Variants in DLC1 observed in about 807,000 individuals in gnomAD.
DLC1 encodes the protein DLC1 Rho GTPase activating protein, also known as rho GTPase-activating protein 7.
DLC1 carries 54 observed loss-of-function variants against 140.3 expected under a neutral mutation model. The observed-to-expected ratio is 0.38, with a 90% CI of 0.31 to 0.48. DLC1 has a LOEUF of 0.48. DLC1 is among the 20% of genes least tolerant of loss of function. The pLI, the probability that DLC1 is intolerant of heterozygous loss-of-function variation, is 0.96. For missense variants in DLC1, 2,536 were observed against 1,907.0 expected (o/e 1.33, Z -6.14); for synonymous variants, 986 against 728.1 (o/e 1.35, Z -5.70).
At chr8:13,224,204 G>GA in intron 5 of DLC1, among the ~76,000 whole-genome samples, 1 of 152,190 alleles carries the variant, frequency 6.6e-6, no homozygotes. Context: ...ATTCTTTTGG[G>GA]AAAAAAGAAT....
chr8:13,550,179 A>T (rs1184807933), intron 1 of DLC1, among the ~76,000 whole-genome samples: 1 of 152,070 alleles, frequency 6.6e-6, no homozygotes, highest in African/African-American at 2.4e-5. Context: ...TGATTGGATT[A>T]TGGGGGGCAG....
chr8:13,487,430 A>G (rs1337851290), intron 2 of DLC1, among the ~76,000 whole-genome samples: 2 of 152,122 alleles, frequency 1.3e-5, no homozygotes, highest in Non-Finnish European at 2.9e-5. Flanking sequence ...ATAATGGTAA[A>G]AATTAAGACT....
At chr8:13,163,039 G>A (rs529819983) in intron 5 of DLC1, among the ~76,000 whole-genome samples, 2 of 152,248 alleles carry the variant, frequency 1.3e-5, no homozygotes, top group East Asian at 3.9e-4. Flanking sequence ...GCCTCTCTAA[G>A]TAGGGCTTTG....
chr8:13,322,996 G>C (rs747629950), intron 4 of DLC1, among the ~76,000 whole-genome samples: 3 of 152,132 alleles, frequency 2.0e-5, no homozygotes, highest in Non-Finnish European at 2.9e-5. Flanking sequence ...GCTCCCTGTG[G>C]GTCACATGGC....
intron 1 of DLC1, among the ~76,000 whole-genome samples, chr8:13,552,918 T>G (rs1364565846): frequency 6.6e-6 from 1 of 151,768 alleles, no homozygotes; most frequent in Non-Finnish European, 1.5e-5. Flanking sequence ...AGCTTCTTAT[T>G]TGGTACATTA....
At chr8:13,214,766 A>T (rs768518663) in intron 5 of DLC1, 9 of 780,652 alleles carry the variant, frequency 1.2e-5, no homozygotes, top group Non-Finnish European at 1.9e-5. Context: ...AACTTTACTG[A>T]TTTTACCGCT....
chr8:13,403,263 A>G (rs1373703438), intron 2 of DLC1, among the ~76,000 whole-genome samples: 2 of 152,226 alleles, frequency 1.3e-5, no homozygotes, highest in African/African-American at 4.8e-5. Context: ...AAAGGGGTCC[A>G]TGATATTTGC....
rs1031847216 is a variant in DLC1 at position 13,135,545 on chromosome 8, G to C, written c.1349-19888C>G. 3.3e-5 allele frequency among the ~76,000 whole-genome samples: 5 copies of C among 151,550 alleles called. No homozygotes were observed. In the East Asian group the frequency reaches 9.6e-4, roughly 29 times the overall value. ...ATTTGCATTTTGAAAAGATCGCTCA[G>C]GCTGCAGTGTAATATTCAAACTTAA... On this transcript the variant is annotated intron_variant, in intron 5 of 17. Transcript: ENST00000276297.
At chr8:13,562,901 A>G (rs1423256559) in intron 1 of DLC1, among the ~76,000 whole-genome samples, 1 of 145,424 alleles carries the variant, frequency 6.9e-6, no homozygotes, top group Non-Finnish European at 1.5e-5. Context: ...ATATATTTTT[A>G]AGAAAAAAAC....
intron 4 of DLC1, chr8:13,342,337 A>G (rs1834100479): frequency 6.6e-6 from 1 of 152,254 alleles, no homozygotes; most frequent in South Asian, 2.1e-4. Flanking sequence ...GAATAGCAAG[A>G]AAAGCAAACC....
intron 1 of DLC1, among the ~76,000 whole-genome samples, chr8:13,562,608 A>G (rs148124167): frequency 2.8e-4 from 42 of 152,322 alleles, no homozygotes; most frequent in African/African-American, 9.6e-4. Flanking sequence ...ATGCTCCCAT[A>G]CATTGCTGGC....
intron 4 of DLC1, among the ~76,000 whole-genome samples, chr8:13,381,233 G>T (rs1312647674): frequency 6.6e-6 from 1 of 152,190 alleles, no homozygotes; most frequent in Non-Finnish European, 1.5e-5. Context: ...TCGTGTAAGG[G>T]CCTGTCCCTA....
intron 1 of DLC1, among the ~76,000 whole-genome samples, chr8:13,552,064 T>A (rs1434230384): frequency 7.1e-6 from 1 of 141,212 alleles, no homozygotes; most frequent in East Asian, 2.1e-4. Flanking sequence ...CACATATATA[T>A]ATATACCTCT....
chr8:13,351,349 T>A (rs1834653964), intron 4 of DLC1, among the ~76,000 whole-genome samples: 1 of 152,222 alleles, frequency 6.6e-6, no homozygotes, highest in African/African-American at 2.4e-5. Flanking sequence ...TGGGATTCAG[T>A]CCGAAGTTCA....
intron 4 of DLC1, among the ~76,000 whole-genome samples, chr8:13,348,231 T>C (rs2117017390): frequency 6.6e-6 from 1 of 152,290 alleles, no homozygotes; most frequent in Admixed American, 6.5e-5. Flanking sequence ...ACAGCCTGGC[T>C]TCCGTGTGAG....
chr8:13,115,206 T>C lies in DLC1; in HGVS notation c.1420+380A>G, dbSNP rs553333535. On this transcript the variant is annotated intron_variant, in intron 6 of 17. Transcript: ENST00000276297. ...ATAGAAGAATCTTAACAATACAATA[T>C]TAAGTGAAAAATAAAAACCCCATGA... Among the ~76,000 whole-genome samples, 7 of 152,114 alleles carry C rather than the reference T, an allele frequency of 4.6e-5. 1 individual carries two copies. The highest frequency in any genetic ancestry group is 1.4e-4 in the African/African-American group (6 of 41,476).
intron 4 of DLC1, among the ~76,000 whole-genome samples, chr8:13,352,411 C>T (rs1054339336): frequency 6.6e-6 from 1 of 152,074 alleles, no homozygotes; most frequent in Non-Finnish European, 1.5e-5. Context: ...GAGACAGGGT[C>T]TTGCTCTGTC....
rs941450429 is a variant in DLC1, at chr8:13,098,559, G to C, written c.3007C>G (p.His1003Asp). Reference protein sequence around the residue: ...TRSNRHRLRWHSFQSSHRPSL... With the variant: ...TRSNRHRLRWDSFQSSHRPSL... Reference sequence around the variant, plus strand: ...GGCCGATGTGAGCTCTGGAAACTGTGCCATCTCAGTCGGTGCCTGCGAGAG... The same window carrying C: ...GGCCGATGTGAGCTCTGGAAACTGTCCCATCTCAGTCGGTGCCTGCGAGAG... Residue 1003 changes from histidine to aspartate, a missense_variant, in exon 10 of 18, where the codon CAC (histidine) becomes GAC (aspartate). Coordinates refer to ENST00000276297, the MANE Select transcript of DLC1 (RefSeq NM_182643.3). 5 of 1,613,968 alleles carry C rather than the reference G, an allele frequency of 3.1e-6. No homozygotes were observed. The Admixed American group carries it at 6.7e-5, about 22-fold the overall frequency.
chr8:13,344,343 A>T (rs1441827365), intron 4 of DLC1, among the ~76,000 whole-genome samples: 1 of 152,116 alleles, frequency 6.6e-6, no homozygotes, highest in Admixed American at 6.5e-5. Flanking sequence ...AAAATACAAA[A>T]TTAGCCGGGC....
Sources: gnomAD v4.1 joint callset for allele counts (sites outside exome capture counted in the v4.1 genomes callset) on GRCh38, gnomAD v4.1.1 for gene constraint, MANE v1.5 for transcripts, NCBI Gene and HGNC (gene_info 2026-07-23, HGNC 2026-07-21) for gene names.